Variants in NCAM1 observed in about 807,000 individuals in gnomAD.
The protein encoded by NCAM1 is antigen recognized by monoclonal antibody 5.1H11.
NCAM1 carries 14 observed loss-of-function variants against 109.8 expected under a neutral mutation model. The ratio of observed to expected loss-of-function variants is 0.13; its 90% CI spans 0.08 to 0.20. The LOEUF is 0.20. Among genes scored for constraint, NCAM1 ranks in the 10% least tolerant of loss-of-function variants. The pLI, the probability that NCAM1 is intolerant of heterozygous loss-of-function variation, is 1.00. For synonymous variants in NCAM1, 418 were observed against 442.9 expected, an observed-to-expected ratio of 0.94 and a Z score of 0.70; for missense variants, 774 against 1,109.9, an observed-to-expected ratio of 0.70 and a Z score of 4.30.
At chr11:113,069,397 C>A (rs1555084839) in intron 1 of NCAM1, among the ~76,000 whole-genome samples, 1 of 152,126 alleles carries the variant, frequency 6.6e-6, no homozygotes, top group Non-Finnish European at 1.5e-5. Flanking sequence ...AAGAGCAGAC[C>A]ATGACGAAGC....
intron 1 of NCAM1, among the ~76,000 whole-genome samples, chr11:113,201,964 C>T (rs114102821): frequency 1.3e-5 from 2 of 152,206 alleles, no homozygotes; most frequent in African/African-American, 2.4e-5. Flanking sequence ...GCTGTGGAGA[C>T]ACTTCAGATG....
At chr11:113,074,677 G>A (rs1938446944) in intron 1 of NCAM1, among the ~76,000 whole-genome samples, 2 of 152,126 alleles carry the variant, frequency 1.3e-5, no homozygotes, top group African/African-American at 2.4e-5. Context: ...TATCACCGAG[G>A]TTGGAGTGCA....
chr11:113,036,631 T>C (rs1225622233), intron 1 of NCAM1, among the ~76,000 whole-genome samples: 2 of 152,166 alleles, frequency 1.3e-5, no homozygotes, highest in East Asian at 3.9e-4. Context: ...CCTGCCGTCT[T>C]TATTTGGTGC....
At chr11:113,101,617 T>C (rs561142671) in intron 1 of NCAM1, among the ~76,000 whole-genome samples, 1 of 152,324 alleles carries the variant, frequency 6.6e-6, no homozygotes, top group Admixed American at 6.5e-5. Flanking sequence ...AACCATTTAT[T>C]TTCTACTATC....
chr11:113,182,062 G>A (rs1396637183), intron 1 of NCAM1, among the ~76,000 whole-genome samples: 1 of 152,106 alleles, frequency 6.6e-6, no homozygotes, highest in African/African-American at 2.4e-5. Context: ...TATAGCCCTG[G>A]TTGGAATGAT....
chr11:113,139,244 T>G (rs782148579), intron 1 of NCAM1, among the ~76,000 whole-genome samples: 14 of 152,214 alleles, frequency 9.2e-5, no homozygotes, highest in Non-Finnish European at 1.8e-4. Context: ...AAGTCAGATC[T>G]TTGATATTTA....
At chr11:113,155,018 A>G (rs1380155717) in intron 1 of NCAM1, among the ~76,000 whole-genome samples, 2 of 152,156 alleles carry the variant, frequency 1.3e-5, no homozygotes, top group African/African-American at 4.8e-5. Flanking sequence ...AGAGCAAAGG[A>G]TGCTCAGTAC....
Position 113,173,457 on chromosome 11 carries a change from T to A in NCAM1, c.53-28922T>A, listed in dbSNP as rs530144136. On this transcript the variant is annotated intron_variant, in intron 1 of 19. Transcript: ENST00000316851. ...CCCACACACTGGGCTAGAATGGGGG[T>A]CTGGACAGGGAAGCAGCTATGTGCG... is the stretch of plus-strand genomic sequence containing the variant. 2.0e-3 allele frequency among the ~76,000 whole-genome samples: 309 copies of A among 150,782 alleles called. 2 individuals carry two copies. Among genetic ancestry groups the A allele is most frequent in the Non-Finnish European group, 3.6e-3 (244 of 67,670 alleles).
chr11:113,202,924 T>G (rs1182818176), intron 2 of NCAM1, among the ~76,000 whole-genome samples: 1 of 152,200 alleles, frequency 6.6e-6, no homozygotes, highest in Non-Finnish European at 1.5e-5. Context: ...TGGCTTTTGT[T>G]GTGAGGACAT....
At chr11:113,134,335 G>A (rs1209495275) in intron 1 of NCAM1, among the ~76,000 whole-genome samples, 10 of 151,920 alleles carry the variant, frequency 6.6e-5, no homozygotes, top group Non-Finnish European at 1.5e-4. Context: ...TTTTAAGTCT[G>A]AATAATATTT....
chr11:113,012,312 C>T (rs559296904), intron 1 of NCAM1, among the ~76,000 whole-genome samples: 4 of 152,122 alleles, frequency 2.6e-5, no homozygotes, highest in South Asian at 2.1e-4. Flanking sequence ...CCACTGTGCC[C>T]GGCTGGGAAA....
At chr11:113,167,057 G>A (rs1186175690) in intron 1 of NCAM1, among the ~76,000 whole-genome samples, 4 of 152,188 alleles carry the variant, frequency 2.6e-5, no homozygotes, top group African/African-American at 4.8e-5. Flanking sequence ...ATTGATAAAC[G>A]TGTTGACAAA....
At chr11:113,112,465 G>T (rs2135962936) in intron 1 of NCAM1, among the ~76,000 whole-genome samples, 1 of 152,244 alleles carries the variant, frequency 6.6e-6, no homozygotes, top group South Asian at 2.1e-4. Context: ...GACTTCCCAG[G>T]CTAATGACAG....
At chr11:113,062,251 A>T (rs1165017486) in intron 1 of NCAM1, among the ~76,000 whole-genome samples, 2 of 152,164 alleles carry the variant, frequency 1.3e-5, no homozygotes, top group Non-Finnish European at 2.9e-5. Context: ...GTCACTGTCC[A>T]TTCTTCCTTT....
chr11:113,009,312 G>GTTTTTTTTTTT (rs781818836), intron 1 of NCAM1, among the ~76,000 whole-genome samples: 21 of 79,650 alleles, frequency 2.6e-4, no homozygotes, highest in Non-Finnish European at 3.8e-4. Flanking sequence ...GTTTTTTCGG[G>GTTTTTTTTTTT]TTTTTTTTTT....
intron 1 of NCAM1, among the ~76,000 whole-genome samples, chr11:113,024,150 G>T (rs1952473385): frequency 6.6e-6 from 1 of 152,204 alleles, no homozygotes; most frequent in African/African-American, 2.4e-5. Flanking sequence ...TTGTGCCTCA[G>T]AGAATCTACT....
chr11:113,276,962 G>T lies in NCAM1; in HGVS notation c.*1575G>T. ...ATATTTTAGTGTGAAACGTGTTTTT[G>T]TCATAGTATTGAAATAAAACTTCAA... On this transcript the variant is annotated 3_prime_UTR_variant, in exon 20 of 20. Transcript: ENST00000316851. 5.8e-6 allele frequency: 1 copy of T among 172,174 alleles called. No individual in the cohort carries two copies. Among genetic ancestry groups the T allele is most frequent in the Non-Finnish European group, 1.2e-5 (1 of 81,010 alleles). The allele number at this position is 172,174 out of a possible 1,614,324, so 10.7% of individuals were successfully genotyped here.
intron 1 of NCAM1, among the ~76,000 whole-genome samples, chr11:113,055,594 G>A (rs1555082413): frequency 2.6e-5 from 4 of 152,230 alleles, no homozygotes; most frequent in East Asian, 3.9e-4. Context: ...TAGCTAGGTA[G>A]CCTTTCTGGT....
rs549261604 is a variant in NCAM1, at chr11:113,104,364, C to CT, written c.53-98005dup. 8.7e-4 allele frequency among the ~76,000 whole-genome samples: 127 copies of CT among 146,724 alleles called. No homozygotes were observed. In the South Asian group the frequency reaches 9.4e-3, roughly 11 times the overall value. On this transcript the variant is annotated intron_variant, in intron 1 of 19. Coordinates refer to ENST00000316851, the MANE Select transcript of NCAM1 (RefSeq NM_181351.5). ...ATAGCATCTGAGGCTGCTTCTGAGG[C>CT]TTTTTTTTTTCTATTACAAGAAATT...
Sources: allele counts gnomAD v4.1 joint callset (sites outside exome capture counted in the v4.1 genomes callset), GRCh38; gene constraint gnomAD v4.1.1; transcripts MANE v1.5; gene names NCBI Gene and HGNC (gene_info 2026-07-23, HGNC 2026-07-21).